PDGFD: variants seen among roughly 807,000 people sequenced by gnomAD.
The protein encoded by PDGFD is platelet derived growth factor D.
PDGFD carries 30 observed loss-of-function variants against 44.7 expected under a neutral mutation model. That is an observed-to-expected ratio of 0.67 (90% confidence interval 0.50 to 0.91). The LOEUF (loss-of-function observed/expected upper bound fraction) is 0.91. PDGFD is among the 40% of genes least tolerant of loss of function. PDGFD has a pLI of 0.00. For synonymous variants in PDGFD, 173 were observed against 168.4 expected (o/e 1.03, Z -0.21); for missense variants, 445 against 457.8 (o/e 0.97, Z 0.25).
In PDGFD at chr11:104,149,679, A is replaced by C. The variant is rs547829950; in HGVS notation, c.124+14125T>G. Reference sequence around the variant, plus strand: ...CTTGATGAATTTGTATTTTACAATAATATGCATTCATTTATTCATCCCAAT... The same window carrying C: ...CTTGATGAATTTGTATTTTACAATACTATGCATTCATTTATTCATCCCAAT... On this transcript the variant is annotated intron_variant, in intron 1 of 6. Coordinates refer to ENST00000393158, the MANE Select transcript of PDGFD (RefSeq NM_025208.5). 8.5e-4 allele frequency among the ~76,000 whole-genome samples: 130 copies of C among 152,266 alleles called. 1 individual carries two copies. The highest frequency in any genetic ancestry group is 3.1e-3 in the African/African-American group (129 of 41,562).
chr11:104,082,281 G>A (rs1017895280), intron 1 of PDGFD, among the ~76,000 whole-genome samples: 11 of 151,748 alleles, frequency 7.2e-5, no homozygotes, highest in Admixed American at 3.3e-4. Flanking sequence ...GGTGCCTTTC[G>A]CTCTGAGTGG....
intron 6 of PDGFD, among the ~76,000 whole-genome samples, chr11:103,920,506 C>T (rs1245843790): frequency 6.6e-6 from 1 of 152,194 alleles, no homozygotes; most frequent in African/African-American, 2.4e-5. Flanking sequence ...AGTACCTTGC[C>T]CCATGTGGCA....
At chr11:104,024,820 AT>A (rs910570250) in intron 1 of PDGFD, among the ~76,000 whole-genome samples, 2 of 152,244 alleles carry the variant, frequency 1.3e-5, no homozygotes, top group Admixed American at 1.3e-4. Context: ...CAAATGACCT[AT>A]TTGCACATGT....
chr11:104,085,944 G>A (rs986497605), intron 1 of PDGFD, among the ~76,000 whole-genome samples: 2 of 152,144 alleles, frequency 1.3e-5, no homozygotes, highest in Non-Finnish European at 2.9e-5. Context: ...GTGTCACTGC[G>A]ATTCACTGAG....
chr11:103,951,112 A>C (rs962979010), intron 3 of PDGFD, among the ~76,000 whole-genome samples: 1 of 152,136 alleles, frequency 6.6e-6, no homozygotes, highest in African/African-American at 2.4e-5. Context: ...ATAAAACATA[A>C]CTTTATCTTC....
At chr11:103,985,696 A>T (rs1218430833) in intron 3 of PDGFD, among the ~76,000 whole-genome samples, 2 of 149,282 alleles carry the variant, frequency 1.3e-5, no homozygotes, top group African/African-American at 5.2e-5. Context: ...AATTGAAACT[A>T]GAATGTTAGG....
chr11:104,078,956 G>T (rs1861006614), intron 1 of PDGFD, among the ~76,000 whole-genome samples: 2 of 152,146 alleles, frequency 1.3e-5, no homozygotes, highest in Non-Finnish European at 2.9e-5. Context: ...TTAGCAATTG[G>T]GTAGGTTAAC....
intron 1 of PDGFD, among the ~76,000 whole-genome samples, chr11:104,018,373 A>T (rs1859893130): frequency 6.6e-6 from 1 of 152,196 alleles, no homozygotes; most frequent in Non-Finnish European, 1.5e-5. Context: ...GTTCAGAATT[A>T]AATATGTTTG....
intron 1 of PDGFD, among the ~76,000 whole-genome samples, chr11:104,086,030 C>T (rs1591156515): frequency 6.6e-6 from 1 of 152,294 alleles, no homozygotes; most frequent in East Asian, 1.9e-4. Context: ...CCGAAAGTGA[C>T]ATGCCTTTAC....
At chr11:103,978,489 G>A (rs1859216074) in intron 3 of PDGFD, among the ~76,000 whole-genome samples, 2 of 151,866 alleles carry the variant, frequency 1.3e-5, no homozygotes, top group African/African-American at 4.8e-5. Flanking sequence ...ACTTAAATAT[G>A]TTTATATTGA....
chr11:104,126,833 A>G (rs529574360), intron 1 of PDGFD, among the ~76,000 whole-genome samples: 3 of 149,848 alleles, frequency 2.0e-5, no homozygotes, highest in East Asian at 4.0e-4. Context: ...ACAGGAATAG[A>G]TGGAAAGCAC....
chr11:103,952,321 T>C (rs559449692), intron 3 of PDGFD, among the ~76,000 whole-genome samples: 3 of 152,354 alleles, frequency 2.0e-5, no homozygotes, highest in African/African-American at 7.2e-5. Flanking sequence ...ATAGAAAACT[T>C]ACATAAGTGC....
rs984713183 is a variant in PDGFD at position 103,907,348 on chromosome 11, A to G, written c.*2346T>C. 1 of 152,236 alleles carries G rather than the reference A, an allele frequency of 6.6e-6. No individual in the cohort carries two copies. The highest frequency in any genetic ancestry group is 1.5e-5 in the Non-Finnish European group (1 of 68,042). 9.4% of individuals were successfully genotyped at this position (152,236 alleles called of 1,614,324 possible). On this transcript the variant is annotated 3_prime_UTR_variant, in exon 7 of 7. Coordinates refer to ENST00000393158, the MANE Select transcript of PDGFD (RefSeq NM_025208.5). The stretch of plus-strand genomic sequence containing the variant: ...GTTTTGCCCTATAAGAACATATTCA[A>G]TAAAAGGCATTATTCCAGGTGAATG...
intron 1 of PDGFD, among the ~76,000 whole-genome samples, chr11:104,140,134 C>T (rs1862064349): frequency 6.6e-6 from 1 of 152,070 alleles, no homozygotes; most frequent in South Asian, 2.1e-4. Context: ...AAAGGAAATA[C>T]CAGTATAGAG....
intron 1 of PDGFD, among the ~76,000 whole-genome samples, chr11:104,121,341 A>G (rs1861775656): frequency 6.6e-6 from 1 of 151,996 alleles, no homozygotes; most frequent in Non-Finnish European, 1.5e-5. Context: ...GAACATCTGT[A>G]TTTGCTGTGA....
chr11:103,909,731 C>T lies in PDGFD; in HGVS notation c.1076G>A (p.Arg359Gln), dbSNP rs144227909. Reference protein sequence around the residue: ...LVDIQLDHHERCDCICSSRPP... With the variant: ...LVDIQLDHHEQCDCICSSRPP... The stretch of plus-strand genomic sequence containing the variant: ...TCTTGAGCTGCAGATACAATCACAT[C>T]GTTCATGGTGATCCAACTGGATGTC... The change falls in exon 7 of 7, where the codon CGA becomes CAA. Residue 359 changes from arginine to glutamine, a missense_variant. Coordinates refer to ENST00000393158, the MANE Select transcript of PDGFD (RefSeq NM_025208.5). 10 of 1,613,992 alleles carry T rather than the reference C, an allele frequency of 6.2e-6. No individual in the cohort carries two copies. Among genetic ancestry groups the T allele is most frequent in the Middle Eastern group, 1.6e-4 (1 of 6,062 alleles).
chr11:103,959,389 TC>T (rs1858903228), intron 3 of PDGFD, among the ~76,000 whole-genome samples: 1 of 152,236 alleles, frequency 6.6e-6, no homozygotes, highest in East Asian at 1.9e-4. Context: ...TAAGGGGATT[TC>T]CAGAGTCATT....
At chr11:103,925,060 T>A (rs894622849) in intron 6 of PDGFD, among the ~76,000 whole-genome samples, 2 of 151,950 alleles carry the variant, frequency 1.3e-5, no homozygotes, top group Non-Finnish European at 2.9e-5. Flanking sequence ...TGGTGGTTGG[T>A]TTTCTGTTCC....
Position 103,927,079 on chromosome 11 carries a change from G to A in PDGFD, c.820C>T (p.Pro274Ser), listed in dbSNP as rs752606353. The A allele has an allele frequency of 9.3e-6, 15 of 1,614,032 alleles. No homozygotes were observed. The East Asian group carries it at 3.3e-4, about 36-fold the overall frequency. Reference protein sequence around the residue: ...NDDAKRYSCTPRNYSVNIREE... With the variant: ...NDDAKRYSCTSRNYSVNIREE... ...CTTATATTGACCGAGTAATTCCTGGGAGTGCAACTGTAACGCTTGGCATCA... is the reference window on the plus strand; with the variant it reads ...CTTATATTGACCGAGTAATTCCTGGAAGTGCAACTGTAACGCTTGGCATCA... The change falls in exon 6 of 7, where the codon CCC (proline) becomes TCC (serine). Residue 274 changes from proline to serine, a missense_variant. Coordinates refer to ENST00000393158, the MANE Select transcript of PDGFD (RefSeq NM_025208.5).
Sources: allele counts gnomAD v4.1 joint callset (sites outside exome capture counted in the v4.1 genomes callset), GRCh38; gene constraint gnomAD v4.1.1; transcripts MANE v1.5; gene names NCBI Gene and HGNC (gene_info 2026-07-23, HGNC 2026-07-21).